FAM83D: variants seen among roughly 807,000 people sequenced by gnomAD.
FAM83D encodes the protein scaffolding CK1 anchoring protein D, also known as protein FAM83D.
In FAM83D, 26 loss-of-function variants were observed where a neutral mutation model predicts 25.4. That is an observed-to-expected ratio of 1.02 (90% CI 0.75 to 1.42). FAM83D has a LOEUF of 1.42. Among genes scored for constraint, FAM83D ranks in the 40% most tolerant of loss-of-function variants. The pLI is 0.00. For synonymous variants in FAM83D, 310 were observed against 318.5 expected (o/e 0.97, Z 0.28); for missense variants, 740 against 758.1 (o/e 0.98, Z 0.28).
chr20:38,952,799 C>G lies in FAM83D; in HGVS notation c.*279C>G, dbSNP rs548175476. On this transcript the variant is annotated 3_prime_UTR_variant, in exon 4 of 4. Transcript: ENST00000619850. ...TACATAATGATGTTTTGGTCAATGA[C>G]AGACCACGTATATGTTGGCAGTCTC... 239 of 437,454 alleles carry G rather than the reference C, an allele frequency of 5.5e-4. 1 individual carries two copies. The highest frequency in any genetic ancestry group is 3.5e-3 in the Admixed American group (83 of 23,974). 27.1% of individuals were successfully genotyped at this position (437,454 alleles called of 1,614,324 possible).
At chr20:38,946,854 A>C (rs993995505) in intron 2 of FAM83D, among the ~76,000 whole-genome samples, 4 of 152,242 alleles carry the variant, frequency 2.6e-5, no homozygotes, top group Non-Finnish European at 5.9e-5. Flanking sequence ...GTTATGAATA[A>C]AGTTGCTGTG....
chr20:38,939,274 T>C (rs546529373), intron 1 of FAM83D, among the ~76,000 whole-genome samples: 1 of 152,350 alleles, frequency 6.6e-6, no homozygotes, highest in Non-Finnish European at 1.5e-5. Context: ...TTCCCTGCTC[T>C]TATCTGGTAA....
intron 1 of FAM83D, among the ~76,000 whole-genome samples, chr20:38,937,135 G>A (rs1014300378): frequency 2.0e-5 from 3 of 152,186 alleles, no homozygotes; most frequent in Non-Finnish European, 4.4e-5. Context: ...TCCTCCTCAC[G>A]TCTCCTGTTG....
chr20:38,935,042 T>C (rs2085673141), intron 1 of FAM83D, among the ~76,000 whole-genome samples: 1 of 152,106 alleles, frequency 6.6e-6, no homozygotes, highest in Admixed American at 6.5e-5. Flanking sequence ...ACAAATATGT[T>C]TATATACACC....
rs529864318 is a variant in FAM83D, at chr20:38,927,070, C to T, written c.483+145C>T. 6.0e-6 allele frequency: 8 copies of T among 1,336,044 alleles called. No individual in the cohort carries two copies. In the South Asian group the frequency reaches 7.3e-5, roughly 12 times the overall value. 82.8% of individuals were successfully genotyped at this position (1,336,044 alleles called of 1,614,324 possible). On this transcript the variant is annotated intron_variant, in intron 1 of 3. Transcript: ENST00000619850. Reference sequence around the variant, plus strand: ...CGCGGGCTAGGTGGTCCCAGGGTCTCCGACTCACACCCCACTCTGCGTGTC... The same window carrying T: ...CGCGGGCTAGGTGGTCCCAGGGTCTTCGACTCACACCCCACTCTGCGTGTC...
chr20:38,928,755 G>A (rs1293096781), intron 1 of FAM83D, among the ~76,000 whole-genome samples: 1 of 152,168 alleles, frequency 6.6e-6, no homozygotes, highest in African/African-American at 2.4e-5. Context: ...CATCTCACGG[G>A]CATTTTGTAA....
intron 1 of FAM83D, among the ~76,000 whole-genome samples, chr20:38,938,607 G>T (rs1490593195): frequency 6.6e-6 from 1 of 152,108 alleles, no homozygotes; most frequent in African/African-American, 2.4e-5. Context: ...AGGTTTTACT[G>T]CCACCTCAAA....
chr20:38,928,189 AG>A (rs1407384420), intron 1 of FAM83D, among the ~76,000 whole-genome samples: 9 of 152,246 alleles, frequency 5.9e-5, no homozygotes, highest in Non-Finnish European at 1.2e-4. Flanking sequence ...GGGACATGGC[AG>A]ATAAAGCCCC....
At chr20:38,949,743 A>G (rs1293180544) in intron 3 of FAM83D, among the ~76,000 whole-genome samples, 1 of 152,224 alleles carries the variant, frequency 6.6e-6, no homozygotes, top group African/African-American at 2.4e-5. Context: ...GCTGATCAGA[A>G]CACTATATCC....
intron 1 of FAM83D, among the ~76,000 whole-genome samples, chr20:38,928,255 A>C (rs909102987): frequency 1.3e-5 from 2 of 152,222 alleles, no homozygotes; most frequent in Admixed American, 1.3e-4. Context: ...GTGTGGGTGA[A>C]GATACCAGTG....
chr20:38,948,691 A>G (rs2085740354), intron 3 of FAM83D, among the ~76,000 whole-genome samples: 1 of 152,232 alleles, frequency 6.6e-6, no homozygotes, highest in Non-Finnish European at 1.5e-5. Context: ...GATGGTTTGC[A>G]TGAGGTGTGT....
chr20:38,943,657 A>T (rs2145805795), intron 2 of FAM83D, among the ~76,000 whole-genome samples: 1 of 152,306 alleles, frequency 6.6e-6, no homozygotes, highest in African/African-American at 2.4e-5. Flanking sequence ...AGAAAGAAAA[A>T]TTGTCATATT....
At chr20:38,947,530 C>T (rs2145807560) in intron 2 of FAM83D, among the ~76,000 whole-genome samples, 1 of 152,358 alleles carries the variant, frequency 6.6e-6, no homozygotes, top group African/African-American at 2.4e-5. Context: ...TTTTATCCCA[C>T]ACATTTTGCT....
chr20:38,943,424 G>C (rs745643963), intron 2 of FAM83D, among the ~76,000 whole-genome samples: 1 of 152,200 alleles, frequency 6.6e-6, no homozygotes, highest in Non-Finnish European at 1.5e-5. Flanking sequence ...GTGACACAGA[G>C]AATCCAAGTG....
At chr20:38,936,602 T>G (rs1401713746) in intron 1 of FAM83D, among the ~76,000 whole-genome samples, 1 of 152,132 alleles carries the variant, frequency 6.6e-6, no homozygotes, top group Non-Finnish European at 1.5e-5. Flanking sequence ...TAAACTTGGT[T>G]GGAATGATAT....
chr20:38,926,614 C>A lies in FAM83D; in HGVS notation c.172C>A (p.Arg58Ser), dbSNP rs547544811. 4.5e-6 allele frequency: 7 copies of A among 1,541,844 alleles called. No homozygotes were observed. The East Asian group carries it at 7.3e-5, about 16-fold the overall frequency. ...CTTCCTGCGACGCGAGCGCCTGGCT[C>A]GTTTCCTGAACCCCGATGAGGTGCA... ...AAFLRRERLA[R>S]FLNPDEVHAI... is the part of the protein sequence containing the mutation. The change falls in exon 1 of 4, where the codon CGT becomes AGT. Residue 58 changes from arginine (R) to serine (S), a missense_variant. Arg to Ser is a moderately radical substitution (Grantham distance 110). Around this residue, in one of 3 missense-constraint regions of FAM83D, gnomAD observed 333 missense variants for 298.6 expected, o/e 1.12. Transcript: ENST00000619850.
At chr20:38,928,073 G>T (rs1030116496) in intron 1 of FAM83D, among the ~76,000 whole-genome samples, 3 of 152,230 alleles carry the variant, frequency 2.0e-5, no homozygotes, top group African/African-American at 7.2e-5. Context: ...CAGCCTGCAG[G>T]TGGGTGTGGC....
At chr20:38,933,345 G>C (rs2085665706) in intron 1 of FAM83D, among the ~76,000 whole-genome samples, 1 of 152,254 alleles carries the variant, frequency 6.6e-6, no homozygotes, top group African/African-American at 2.4e-5. Context: ...ACAGATGGTA[G>C]TGATGGTTGT....
At chr20:38,949,794 G>GCTCTC (rs900473891) in intron 3 of FAM83D, among the ~76,000 whole-genome samples, 1 of 152,146 alleles carries the variant, frequency 6.6e-6, no homozygotes, top group Non-Finnish European at 1.5e-5. Context: ...TCTTAGGCAG[G>GCTCTC]CTCTCCCTTT....
Sources: gnomAD v4.1 joint callset for allele counts (sites outside exome capture counted in the v4.1 genomes callset) on GRCh38, gnomAD v4.1.1 for gene constraint, gnomAD v4.1.1 regional missense constraint, MANE v1.5 for transcripts, NCBI Gene and HGNC (gene_info 2026-07-23, HGNC 2026-07-21) for gene names.